The following ZRANB3 variants were observed in gnomAD, a reference collection of about 807,000 sequenced individuals.
The protein encoded by ZRANB3 is zinc finger RANBP2-type containing 3.
In ZRANB3, 125 loss-of-function variants were observed where a neutral mutation model predicts 133.8. The observed-to-expected ratio is 0.93, with a 90% CI of 0.81 to 1.08. The LOEUF (loss-of-function observed/expected upper bound fraction) is 1.08. ZRANB3 is among the 50% of genes least tolerant of loss of function. The probability of loss-of-function intolerance (pLI) is 0.00; values close to 1 mark genes in which losing one functional copy is unlikely to be tolerated. For missense variants in ZRANB3, 1,229 were observed against 1,275.5 expected (o/e 0.96, Z 0.56); for synonymous variants, 387 against 432.7 (o/e 0.89, Z 1.31).
intron 2 of ZRANB3, 55 bp from the exon 3 acceptor site, chr2:135,390,875 T>A: frequency 6.8e-7 from 1 of 1,480,794 alleles, no homozygotes; most frequent in Non-Finnish European, 8.9e-7. Flanking sequence ...TTTCCTTTTT[T>A]TTTTGAGATG....
At chr2:135,467,700 G>T (rs920507353) in intron 2 of ZRANB3, among the ~76,000 whole-genome samples, 4 of 152,122 alleles carry the variant, frequency 2.6e-5, no homozygotes, top group Admixed American at 1.3e-4. Flanking sequence ...ATGCCTCCTT[G>T]GTCCTTACTT....
intron 2 of ZRANB3, among the ~76,000 whole-genome samples, chr2:135,401,941 G>C (rs1305514096): frequency 2.0e-5 from 3 of 152,108 alleles, no homozygotes; most frequent in Non-Finnish European, 2.9e-5. Flanking sequence ...CATCAATTTA[G>C]CATCTGCCAA....
At chr2:135,473,983 G>T (rs1370470127) in intron 2 of ZRANB3, among the ~76,000 whole-genome samples, 2 of 152,124 alleles carry the variant, frequency 1.3e-5, no homozygotes, top group Non-Finnish European at 1.5e-5. Flanking sequence ...TCAGGAGTTT[G>T]AGACCAGCCT....
At chr2:135,280,260 C>T (rs1027211370) in intron 8 of ZRANB3, among the ~76,000 whole-genome samples, 1 of 152,112 alleles carries the variant, frequency 6.6e-6, no homozygotes, top group Non-Finnish European at 1.5e-5. Context: ...GAAGACTATA[C>T]ATTATATCTT....
intron 6 of ZRANB3, among the ~76,000 whole-genome samples, chr2:135,324,726 C>T (rs1443279562): frequency 1.3e-5 from 2 of 152,188 alleles, no homozygotes; most frequent in Non-Finnish European, 2.9e-5. Flanking sequence ...TATTTCTCCA[C>T]ATCCTCTCCA....
In ZRANB3 at chr2:135,207,533, C is replaced by T; in HGVS notation, c.2910G>A (p.Val970=). The T allele has an allele frequency of 6.2e-7, 1 of 1,614,002 alleles. No homozygotes were observed. The highest frequency in any genetic ancestry group is 8.5e-7 in the Non-Finnish European group (1 of 1,179,898). Residue 970 remains valine, a synonymous_variant, in exon 19 of 21, where the codon GTG becomes GTA. Coordinates refer to ENST00000264159, the MANE Select transcript of ZRANB3 (RefSeq NM_032143.4). ...TEHGVCQLCN[V]NAQELFLRLR... ...GACGTAAAAAGAGTTCTTGTGCGTT[C>T]ACATTACAGAGCTGACACACACCAT...
chr2:135,477,516 G>C (rs1347715452), intron 2 of ZRANB3, among the ~76,000 whole-genome samples: 1 of 152,152 alleles, frequency 6.6e-6, no homozygotes, highest in Admixed American at 6.5e-5. Flanking sequence ...GGCTATACTT[G>C]TTCTCTCAGG....
chr2:135,357,945 T>C (rs980681443), intron 3 of ZRANB3, among the ~76,000 whole-genome samples: 1 of 152,212 alleles, frequency 6.6e-6, no homozygotes, highest in Non-Finnish European at 1.5e-5. Context: ...AAATACCTCA[T>C]TCCTTTTAAG....
chr2:135,382,873 C>T (rs1686783116), intron 3 of ZRANB3, among the ~76,000 whole-genome samples: 1 of 152,164 alleles, frequency 6.6e-6, no homozygotes, highest in Non-Finnish European at 1.5e-5. Context: ...CCACTACAAG[C>T]CACTGCAAAA....
In ZRANB3 at chr2:135,239,995, A is replaced by G. The variant is rs924513245; in HGVS notation, c.1540-9068T>C. Among the ~76,000 whole-genome samples the G allele has an allele frequency of 2.6e-5, 4 of 151,852 alleles. No individual in the cohort carries two copies. In the South Asian group the frequency reaches 6.2e-4, roughly 24 times the overall value. On this transcript the variant is annotated intron_variant, in intron 12 of 20. Transcript: ENST00000264159. The stretch of plus-strand genomic sequence containing the variant: ...AAGACTCCATGTCAAAAAAAAAAAA[A>G]GGGTGGAGGAAAGCAGAGAGATTAA...
At chr2:135,316,108 T>C (rs1683240077) in intron 6 of ZRANB3, among the ~76,000 whole-genome samples, 1 of 152,106 alleles carries the variant, frequency 6.6e-6, no homozygotes, top group African/African-American at 2.4e-5. Context: ...ACAAAATTAC[T>C]ATGAAAGAGA....
At chr2:135,226,062 T>C (rs1250881302) in intron 14 of ZRANB3, among the ~76,000 whole-genome samples, 1 of 152,242 alleles carries the variant, frequency 6.6e-6, no homozygotes, top group Non-Finnish European at 1.5e-5. Context: ...TATTGTGTCA[T>C]AGCTTAATTG....
At chr2:135,239,913 G>T (rs1256264910) in intron 12 of ZRANB3, among the ~76,000 whole-genome samples, 1 of 151,962 alleles carries the variant, frequency 6.6e-6, no homozygotes, top group African/African-American at 2.4e-5. Context: ...AAACCTGGGA[G>T]GTGGAGGTTG....
intron 19 of ZRANB3, among the ~76,000 whole-genome samples, chr2:135,204,283 GCTA>G (rs1439558690): frequency 2.0e-5 from 3 of 152,080 alleles, no homozygotes; most frequent in Non-Finnish European, 4.4e-5. Context: ...ATTGTTAGAA[GCTA>G]CTACAAATGG....
rs190117360 is a variant in ZRANB3 at position 135,222,462 on chromosome 2, A to G, written c.2250+1964T>C. On this transcript the variant is annotated intron_variant, in intron 15 of 20. Transcript: ENST00000264159. ...AAATAAAAGTATTCATAATCTATCC[A>G]GGCCATAGATTCTCACATGGTTCCT... Among the ~76,000 whole-genome samples, 216 of 152,102 alleles carry G rather than the reference A, an allele frequency of 1.4e-3. 1 individual carries two copies. The highest frequency in any genetic ancestry group is 1.6e-3 in the Non-Finnish European group (111 of 67,994).
In ZRANB3 at chr2:135,275,684, G is replaced by A. The variant is rs770041167; in HGVS notation, c.1038C>T (p.His346=). Residue 346 remains histidine, a synonymous_variant, in exon 9 of 21, where the codon CAC becomes CAT. Transcript: ENST00000264159. ...TGCAAGCTTGGAGCATGCTTAAATG[G>A]TGAGCAAAAACCAGAAATTTAAGCG... ...NDSLKFLVFA[H]HLSMLQACTE... 1 of 1,608,200 alleles carries A rather than the reference G, an allele frequency of 6.2e-7. No individual in the cohort carries two copies. Among genetic ancestry groups the A allele is most frequent in the Non-Finnish European group, 8.5e-7 (1 of 1,176,828 alleles).
chr2:135,352,437 C>T (rs1685252829), intron 4 of ZRANB3, among the ~76,000 whole-genome samples: 1 of 151,832 alleles, frequency 6.6e-6, no homozygotes, highest in South Asian at 2.1e-4. Flanking sequence ...ATTTGTAAGT[C>T]TTTTCAATTT....
chr2:135,461,001 C>T (rs1690740348), intron 2 of ZRANB3, among the ~76,000 whole-genome samples: 1 of 152,108 alleles, frequency 6.6e-6, no homozygotes, highest in South Asian at 2.1e-4. Flanking sequence ...TAATCAATAA[C>T]CATAGTAGCT....
rs1180448242 is a variant in ZRANB3, at chr2:135,219,177, T to A, written c.2252A>T (p.Asp751Val). 4 of 1,515,226 alleles carry A rather than the reference T, an allele frequency of 2.6e-6. No individual in the cohort carries two copies. Among genetic ancestry groups the A allele is most frequent in the African/African-American group, 2.8e-5 (2 of 70,754 alleles). The allele number at this position is 1,515,226 out of a possible 1,614,324, so 93.9% of individuals were successfully genotyped here. ...GAAATTACAGCTCATCTGTTTTCCA[T>A]CCTGATGATAGATTAGGAAGACACT... ...NTDRIHIYTK[D>V]GKQMSCNFIP... The change falls in exon 16 of 21, where the codon GAT becomes GTT. Residue 751 changes from aspartate (D) to valine (V), a missense_variant and splice_region_variant. Physicochemically the swap from Asp to Val is radical, Grantham distance 152. Coordinates refer to ENST00000264159, the MANE Select transcript of ZRANB3 (RefSeq NM_032143.4).
Sources: gnomAD v4.1 joint callset for allele counts (sites outside exome capture counted in the v4.1 genomes callset) on GRCh38, gnomAD v4.1.1 for gene constraint, MANE v1.5 for transcripts, NCBI Gene and HGNC (gene_info 2026-07-23, HGNC 2026-07-21) for gene names.